OSBPL5: variants seen among roughly 807,000 people sequenced by gnomAD.
The protein encoded by OSBPL5 is oxysterol binding protein like 5, also known as oxysterol-binding protein-related protein 5.
OSBPL5 carries 71 observed loss-of-function variants against 111.2 expected under a neutral mutation model. That is an observed-to-expected ratio of 0.64 (90% CI 0.53 to 0.78). OSBPL5 has a LOEUF of 0.78. OSBPL5 is among the 30% of genes least tolerant of loss of function. The pLI, the probability that OSBPL5 is intolerant of heterozygous loss-of-function variation, is 0.00. For synonymous variants in OSBPL5, 549 were observed against 513.9 expected (o/e 1.07, Z -0.93); for missense variants, 1,210 against 1,189.3 (o/e 1.02, Z -0.26).
intron 14 of OSBPL5, 45 bp downstream of exon 14, chr11:3,100,113 A>G: frequency 1.9e-6 from 3 of 1,578,204 alleles, no homozygotes; most frequent in South Asian, 1.1e-5. Flanking sequence ...AGCTGCTCTC[A>G]CAGAGCCTGG....
rs1397915711 is a variant in OSBPL5, at chr11:3,103,865, C to T, written c.1244+328G>A. On this transcript the variant is annotated intron_variant, in intron 10 of 21. Coordinates refer to ENST00000263650, the MANE Select transcript of OSBPL5 (RefSeq NM_020896.4). Reference sequence around the variant, plus strand: ...GCAGCCCCTTTCCAGTCTGCGCAGCCCCCTTCCTGCCTCTGTAGCCCCATT... The same window carrying T: ...GCAGCCCCTTTCCAGTCTGCGCAGCTCCCTTCCTGCCTCTGTAGCCCCATT... Among the ~76,000 whole-genome samples the T allele has an allele frequency of 3.4e-3, 168 of 49,454 alleles. 1 individual carries two copies. Among genetic ancestry groups the T allele is most frequent in the Admixed American group, 7.3e-3 (36 of 4,910 alleles). 32.4% of individuals were successfully genotyped at this position (49,454 alleles called of 152,430 possible). A position where few individuals can be genotyped will look rare whatever the true frequency, so the allele number is the denominator to read the frequency against.
rs1454276425 is a variant in OSBPL5 at position 3,090,680 on chromosome 11, T to C, written c.2276A>G (p.Gln759Arg). 1 of 1,611,860 alleles carries C rather than the reference T, an allele frequency of 6.2e-7. No homozygotes were observed. The highest frequency in any genetic ancestry group is 8.5e-7 in the Non-Finnish European group (1 of 1,179,672). Residue 759 changes from glutamine (Q) to arginine (R), a missense_variant, in exon 20 of 22, where the codon CAG becomes CGG. By Grantham distance (43) the Gln-to-Arg change is conservative. Transcript: ENST00000263650. The stretch of plus-strand genomic sequence containing the variant: ...CTGGTCGCTGGCCTTGCGAAGCCGC[T>C]GGTCTGGGCCAGACCTCTGCAGAGA... ...GPRHERSGPD[Q>R]RLRKASDQPS...
chr11:3,103,102 G>T, intron 11 of OSBPL5, 137 bp downstream of exon 11: 1 of 704,626 alleles, frequency 1.4e-6, no homozygotes, highest in Non-Finnish European at 2.3e-6. Flanking sequence ...TGGGCCCTCT[G>T]TGGGGGTGAC....
chr11:3,121,801 G>A lies in OSBPL5; in HGVS notation c.402+196C>T, dbSNP rs576689040. Reference sequence around the variant, plus strand: ...TAAGGTGGCCCTAATTCCTACCACTGGTGTCCTTATAAAAAGGGGGAGAGA... The same window carrying A: ...TAAGGTGGCCCTAATTCCTACCACTAGTGTCCTTATAAAAAGGGGGAGAGA... On this transcript the variant is annotated intron_variant, in intron 5 of 21. Transcript: ENST00000263650. The surrounding 1 kb of genome is among the most constrained non-coding windows in gnomAD (Gnocchi z 4.3). 2.3e-5 allele frequency: 14 copies of A among 601,114 alleles called. No homozygotes were observed. Among genetic ancestry groups the A allele is most frequent in the South Asian group, 7.9e-5 (4 of 50,408 alleles). 37.2% of individuals were successfully genotyped at this position (601,114 alleles called of 1,614,324 possible).
chr11:3,122,085 T>C lies in OSBPL5; in HGVS notation c.314A>G (p.Asn105Ser). The C allele has an allele frequency of 6.4e-7, 1 of 1,574,736 alleles. No individual in the cohort carries two copies. The stretch of plus-strand genomic sequence containing the variant: ...GGCGCGCTTCTTCTCCTGCCGGTAG[T>C]TCTCCTTCTGCGCCTGGGCCCGGGG... Reference protein sequence around the residue: ...KKETLKAQKENYRQEKKRATR... With the variant: ...KKETLKAQKESYRQEKKRATR... Residue 105 changes from asparagine (N) to serine (S), a missense_variant, in exon 5 of 22, where the codon AAC (asparagine) becomes AGC (serine). Coordinates refer to ENST00000263650, the MANE Select transcript of OSBPL5 (RefSeq NM_020896.4).
chr11:3,115,299 T>A (rs1285382203), intron 7 of OSBPL5, among the ~76,000 whole-genome samples: 1 of 152,140 alleles, frequency 6.6e-6, no homozygotes, highest in Non-Finnish European at 1.5e-5. Flanking sequence ...GATATTAAAA[T>A]TTTTTTTAAA....
chr11:3,141,943 C>T lies in OSBPL5; in HGVS notation c.-21-12774G>A, dbSNP rs1564856206. ...TTTTATTTTTTTTGAGACGGAGTCT[C>T]GCTCTGTTGCCCAGACTGGAGTACA... On this transcript the variant is annotated intron_variant, in intron 1 of 21. Coordinates refer to ENST00000263650, the MANE Select transcript of OSBPL5 (RefSeq NM_020896.4). This position sits in a 1 kb window ranked among gnomAD's most constrained non-coding sequence, Gnocchi z 6.5. 1.4e-4 allele frequency among the ~76,000 whole-genome samples: 22 copies of T among 152,208 alleles called. No individual in the cohort carries two copies.
intron 13 of OSBPL5, among the ~76,000 whole-genome samples, chr11:3,100,684 A>G (rs1857422323): frequency 6.6e-6 from 1 of 152,148 alleles, no homozygotes; most frequent in Non-Finnish European, 1.5e-5. Context: ...TGAGGGTCGC[A>G]CCTGGGACCC....
chr11:3,158,418 G>A (rs897337611), intron 1 of OSBPL5, among the ~76,000 whole-genome samples: 6 of 152,266 alleles, frequency 3.9e-5, no homozygotes, highest in Admixed American at 2.0e-4. Flanking sequence ...TGCCCACACT[G>A]GCACCTGCTT....
chr11:3,149,387 G>A (rs902123242), intron 1 of OSBPL5, among the ~76,000 whole-genome samples: 2 of 152,248 alleles, frequency 1.3e-5, no homozygotes, highest in Admixed American at 1.3e-4. Context: ...AGATCTTGCA[G>A]TGTACTGGCC....
At chr11:3,101,160 A>G (rs1857441992) in intron 13 of OSBPL5, among the ~76,000 whole-genome samples, 1 of 151,706 alleles carries the variant, frequency 6.6e-6, no homozygotes, top group Admixed American at 6.6e-5. Flanking sequence ...TTTTTAGTAG[A>G]GACAGGGTTT....
intron 1 of OSBPL5, among the ~76,000 whole-genome samples, chr11:3,156,223 G>A (rs1275480741): frequency 2.0e-5 from 3 of 152,192 alleles, no homozygotes; most frequent in South Asian, 2.1e-4. Context: ...CAAGGAAACC[G>A]GAACGCTTGC....
intron 14 of OSBPL5, among the ~76,000 whole-genome samples, chr11:3,097,111 AG>A (rs1857296869): frequency 7.9e-6 from 1 of 127,244 alleles, no homozygotes; most frequent in Non-Finnish European, 1.7e-5. Context: ...AGATGGGAGG[AG>A]GAGGAGAGGA....
Position 3,142,891 on chromosome 11 carries a change from C to T in OSBPL5, c.-21-13722G>A, listed in dbSNP as rs1007418584. On this transcript the variant is annotated intron_variant, in intron 1 of 21. Coordinates refer to ENST00000263650, the MANE Select transcript of OSBPL5 (RefSeq NM_020896.4). The surrounding 1 kb of genome is among the most constrained non-coding windows in gnomAD (Gnocchi z 7.1). ...CAGAGGAAAAGGACAAAACCAGTCA[C>T]CCAGGACAGCGGACGGCACACGGGG... is the stretch of plus-strand genomic sequence containing the variant. 6.6e-5 allele frequency among the ~76,000 whole-genome samples: 10 copies of T among 151,580 alleles called. No homozygotes were observed. Among genetic ancestry groups the T allele is most frequent in the African/African-American group, 2.4e-4 (10 of 41,202 alleles).
chr11:3,092,921 G>T lies in OSBPL5; in HGVS notation c.2078C>A (p.Pro693Gln). ...ERQESLMPWK[P>Q]QLFHLDPITQ... ...GATGGGGTCCAGGTGGAACAGCTGC[G>T]GCTTCCAGGGCATGAGGCTCTCCTG... Residue 693 changes from proline (P) to glutamine (Q), a missense_variant, in exon 18 of 22, where the codon CCG becomes CAG. By Grantham distance (76) the Pro-to-Gln change is moderately conservative. Coordinates refer to ENST00000263650, the MANE Select transcript of OSBPL5 (RefSeq NM_020896.4). The surrounding 1 kb of genome is among the most constrained non-coding windows in gnomAD (Gnocchi z 5.4). 6.4e-7 allele frequency: 1 copy of T among 1,569,426 alleles called. No individual in the cohort carries two copies. Among genetic ancestry groups the T allele is most frequent in the East Asian group, 2.3e-5 (1 of 43,076 alleles).
rs1858080533 is a variant in OSBPL5 at position 3,113,413 on chromosome 11, T to C, written c.692-5468A>G. ...TAATAATGCCTGTAATCTCAGCACTTTGGGAGGCTGAGGTGGGTGGATCAC... is the reference window on the plus strand; with the variant it reads ...TAATAATGCCTGTAATCTCAGCACTCTGGGAGGCTGAGGTGGGTGGATCAC... On this transcript the variant is annotated intron_variant, in intron 7 of 21. Transcript: ENST00000263650. This position sits in a 1 kb window ranked among gnomAD's most constrained non-coding sequence, Gnocchi z 4.8. 6.6e-6 allele frequency among the ~76,000 whole-genome samples: 1 copy of C among 152,118 alleles called. No individual in the cohort carries two copies. The highest frequency in any genetic ancestry group is 6.6e-5 in the Admixed American group (1 of 15,262).
rs1857753514 is a variant in OSBPL5, at chr11:3,107,638, C to T, written c.866+133G>A. The T allele has an allele frequency of 7.2e-7, 1 of 1,383,332 alleles. No homozygotes were observed. The highest frequency in any genetic ancestry group is 1.3e-5 in the South Asian group (1 of 76,544). The allele number at this position is 1,383,332 out of a possible 1,614,324, so 85.7% of individuals were successfully genotyped here. The stretch of plus-strand genomic sequence containing the variant: ...AAGGAACCGAGGCTCCCAGGGCACA[C>T]TGCAGCGAACAAGTCCCTGCGTGCA... On this transcript the variant is annotated intron_variant, in intron 8 of 21. Coordinates refer to ENST00000263650, the MANE Select transcript of OSBPL5 (RefSeq NM_020896.4). This position sits in a 1 kb window ranked among gnomAD's most constrained non-coding sequence, Gnocchi z 6.1.
intron 1 of OSBPL5, among the ~76,000 whole-genome samples, chr11:3,137,847 A>G (rs1845992425): frequency 6.6e-6 from 1 of 152,216 alleles, no homozygotes; most frequent in African/African-American, 2.4e-5. Flanking sequence ...GAAACGGCCC[A>G]TCTAAGGTCT....
intron 7 of OSBPL5, among the ~76,000 whole-genome samples, chr11:3,116,590 C>T (rs559854070): frequency 6.6e-6 from 1 of 152,186 alleles, no homozygotes; most frequent in South Asian, 2.1e-4. Flanking sequence ...TGTGGTGGCT[C>T]ACGCCTGTAA....
Sources: allele counts gnomAD v4.1 joint callset (sites outside exome capture counted in the v4.1 genomes callset), GRCh38; gene constraint gnomAD v4.1.1; non-coding constraint Gnocchi (gnomAD v3.1); transcripts MANE v1.5; gene names NCBI Gene and HGNC (gene_info 2026-07-23, HGNC 2026-07-21).